The following TMEM79 variants were observed in gnomAD, a reference collection of about 807,000 sequenced individuals.
TMEM79 encodes transmembrane protein 79.
Under a neutral mutation model 31.2 loss-of-function variants are expected in TMEM79, and 30 were observed. That is an observed-to-expected ratio of 0.96 (90% CI 0.72 to 1.30). The LOEUF (loss-of-function observed/expected upper bound fraction) is 1.30, where lower values mean the gene tolerates loss of function less well. Among genes scored for constraint, TMEM79 ranks in the 50% most tolerant of loss-of-function variants. The probability of loss-of-function intolerance (pLI) is 0.00; values close to 1 mark genes in which losing one functional copy is unlikely to be tolerated. For synonymous variants in TMEM79, 213 were observed against 229.5 expected (o/e 0.93, Z 0.65); for missense variants, 509 against 528.2 (o/e 0.96, Z 0.36).
chr1:156,291,416 C>T lies in TMEM79; in HGVS notation c.1003C>T (p.Arg335Cys). The T allele has an allele frequency of 1.2e-6, 2 of 1,614,100 alleles. No homozygotes were observed. Among genetic ancestry groups the T allele is most frequent in the Non-Finnish European group, 1.7e-6 (2 of 1,180,034 alleles). The change falls in exon 4 of 4, where the codon CGC (arginine) becomes TGC (cysteine). Residue 335 changes from arginine to cysteine, a missense_variant. Arg to Cys is a radical substitution (Grantham distance 180, BLOSUM62 -3). Transcript: ENST00000405535. ...LIYWLTFAVG[R>C]SFRGFGYGLT... ...CTACTGGCTGACCTTTGCCGTGGGC[C>T]GCTCCTTCCGAGGCTTCGGCTACGG...
rs748559702 is a variant in TMEM79 at position 156,285,744 on chromosome 1, A to G, written c.518A>G (p.Lys173Arg). Residue 173 changes from lysine to arginine, a missense_variant, in exon 2 of 4, where the codon AAG (lysine) becomes AGG (arginine). Transcript: ENST00000405535. ...RVTHPDPTER[K>R]WAEAVVRPPG... Reference sequence around the variant, plus strand: ...ACCCACCCCGACCCCACTGAGCGCAAGTGGGCTGAGGCAGTGGTGAGGCCG... The same window carrying G: ...ACCCACCCCGACCCCACTGAGCGCAGGTGGGCTGAGGCAGTGGTGAGGCCG... 6.2e-7 allele frequency: 1 copy of G among 1,613,272 alleles called. No individual in the cohort carries two copies.
Position 156,285,913 on chromosome 1 carries a change from G to T in TMEM79, c.687G>T (p.Leu229=). 6.3e-7 allele frequency: 1 copy of T among 1,582,904 alleles called. No individual in the cohort carries two copies. The highest frequency in any genetic ancestry group is 8.6e-7 in the Non-Finnish European group (1 of 1,164,546). The change falls in exon 2 of 4, where the codon CTG becomes CTT. Residue 229 remains leucine, a synonymous_variant. Transcript: ENST00000405535. ...YAFLPFDVPR[L]PTMSSRLIYT... ...TCCTGCCGTTTGATGTCCCACGGCT[G>T]CCCACCATGAGTTCCCGCCTGATCT...
At chr1:156,291,315 C>T (rs980574724) in intron 3 of TMEM79, 70 bp from the exon 4 acceptor site, 2 of 1,443,834 alleles carry the variant, frequency 1.4e-6, no homozygotes, top group South Asian at 2.4e-5. Context: ...CTCCCCCCAC[C>T]GTCAGCCTAT....
chr1:156,286,067 C>T, intron 2 of TMEM79, 84 bp downstream of exon 2: 2 of 1,529,724 alleles, frequency 1.3e-6, no homozygotes, highest in East Asian at 4.5e-5. Flanking sequence ...AGGAGGATTT[C>T]CCTTCACTTG....
chr1:156,291,757 C>T lies in TMEM79; in HGVS notation c.*159C>T, dbSNP rs1054599484. 1.7e-5 allele frequency: 11 copies of T among 657,646 alleles called. No individual in the cohort carries two copies. The highest frequency in any genetic ancestry group is 2.9e-5 in the Non-Finnish European group (11 of 377,878). 40.7% of individuals were successfully genotyped at this position (657,646 alleles called of 1,614,324 possible). The stretch of plus-strand genomic sequence containing the variant: ...GGGACTCCAATCAATCGGAGTTCTC[C>T]CCTTGCCGGAGCTGCCCTTCACCTT... On this transcript the variant is annotated 3_prime_UTR_variant, in exon 4 of 4. Transcript: ENST00000405535.
At position 156,285,606 on chromosome 1, in the gene TMEM79, G is replaced by T. The variant is rs147509014; in HGVS notation, c.380G>T (p.Arg127Leu). Reference sequence around the variant, plus strand: ...AACCTGCTGCCTGAGAAAGCGGCCCGTGCCTTCGTGCCTATTGACCTACAG... The same window carrying T: ...AACCTGCTGCCTGAGAAAGCGGCCCTTGCCTTCGTGCCTATTGACCTACAG... Reference protein sequence around the residue: ...DANLLPEKAARAFVPIDLQCI... With the variant: ...DANLLPEKAALAFVPIDLQCI... Residue 127 changes from arginine to leucine, a missense_variant, in exon 2 of 4, where the codon CGT (arginine) becomes CTT (leucine). Coordinates refer to ENST00000405535, the MANE Select transcript of TMEM79 (RefSeq NM_032323.3). 1.1e-5 allele frequency: 18 copies of T among 1,614,220 alleles called. No individual in the cohort carries two copies. The highest frequency in any genetic ancestry group is 1.4e-5 in the Non-Finnish European group (17 of 1,180,048).
In TMEM79 at chr1:156,287,606, CTT is replaced by C. The variant is rs745468403; in HGVS notation, c.971+1157_971+1158del. ...CTCCTCGCAGCCTTCTTACTCTCCACTTTTTTTTTTTTTTTTTTTTTTTTTGA... is the reference window on the plus strand; with the variant it reads ...CTCCTCGCAGCCTTCTTACTCTCCACTTTTTTTTTTTTTTTTTTTTTTTGA... On this transcript the variant is annotated intron_variant, in intron 3 of 3. Transcript: ENST00000405535. Among the ~76,000 whole-genome samples the C allele has an allele frequency of 8.1e-3, 589 of 72,618 alleles. 2 individuals are homozygous for C. Among genetic ancestry groups the C allele is most frequent in the Non-Finnish European group, 0.012 (447 of 38,264 alleles). The allele number at this position is 72,618 out of a possible 152,430, so 47.6% of individuals were successfully genotyped here.
At chr1:156,285,119 T>C in intron 1 of TMEM79, 65 bp from the exon 2 acceptor site, 1 of 1,406,420 alleles carries the variant, frequency 7.1e-7, no homozygotes, top group Non-Finnish European at 9.5e-7. Flanking sequence ...GTATGAGTTC[T>C]GTCAACCTGT....
Position 156,292,376 on chromosome 1 carries a change from A to AGTGTGTGTGT in TMEM79, c.*815_*824dup, listed in dbSNP as rs9331871. 1.2e-4 allele frequency: 17 copies of AGTGTGTGTGT among 142,468 alleles called. No homozygotes were observed. Among genetic ancestry groups the AGTGTGTGTGT allele is most frequent in the South Asian group, 7.4e-4 (3 of 4,048 alleles). 8.8% of individuals were successfully genotyped at this position (142,468 alleles called of 1,614,324 possible). ...ATGGTGCGGTGGTTGATGTTAACCTAGTGTGTGTGTGTGTGTGTGTGTGTG... is the reference window on the plus strand; with the variant it reads ...ATGGTGCGGTGGTTGATGTTAACCTAGTGTGTGTGTGTGTGTGTGTGTGTGTGTGTGTGTG... On this transcript the variant is annotated 3_prime_UTR_variant, in exon 4 of 4. Coordinates refer to ENST00000405535, the MANE Select transcript of TMEM79 (RefSeq NM_032323.3).
At chr1:156,288,408 T>C (rs1663228883) in intron 3 of TMEM79, among the ~76,000 whole-genome samples, 1 of 151,582 alleles carries the variant, frequency 6.6e-6, no homozygotes, top group East Asian at 1.9e-4. Flanking sequence ...CAATCTTGGC[T>C]CACTACAACT....
chr1:156,291,515 A>AT lies in TMEM79; in HGVS notation c.1103dup (p.Met368IlefsTer48), dbSNP rs760496537. On this transcript the variant is annotated frameshift_variant, in exon 4 of 4. Coordinates refer to ENST00000405535, the MANE Select transcript of TMEM79 (RefSeq NM_032323.3). LOFTEE classifies it high-confidence loss of function. ...CATGTTCGTGGTGGAGCCGGAGCGC[A>AT]TGCTCACTGCCACCGAGAGCCGCCT... 23 of 1,609,864 alleles carry AT rather than the reference A, an allele frequency of 1.4e-5. No homozygotes were observed. The South Asian group carries it at 2.5e-4, about 18-fold the overall frequency.
At chr1:156,291,323 T>A in intron 3 of TMEM79, 62 bp from the exon 4 acceptor site, 1 of 1,497,070 alleles carries the variant, frequency 6.7e-7, no homozygotes. Flanking sequence ...ACCGTCAGCC[T>A]ATTGCCAATC....
chr1:156,285,630 A>G lies in TMEM79; in HGVS notation c.404A>G (p.Gln135Arg), dbSNP rs770461595. ...AARAFVPIDL[Q>R]CIERQPQEDL... Reference sequence around the variant, plus strand: ...CGTGCCTTCGTGCCTATTGACCTACAGTGCATTGAGCGGCAGCCCCAAGAA... The same window carrying G: ...CGTGCCTTCGTGCCTATTGACCTACGGTGCATTGAGCGGCAGCCCCAAGAA... The change falls in exon 2 of 4, where the codon CAG (glutamine) becomes CGG (arginine). Residue 135 changes from glutamine (Q) to arginine (R), a missense_variant. By Grantham distance (43) the Gln-to-Arg change is conservative. Coordinates refer to ENST00000405535, the MANE Select transcript of TMEM79 (RefSeq NM_032323.3). The G allele has an allele frequency of 1.9e-6, 3 of 1,614,066 alleles. No individual in the cohort carries two copies. Among genetic ancestry groups the G allele is most frequent in the Admixed American group, 1.7e-5 (1 of 60,028 alleles).
At chr1:156,285,060 C>T in intron 1 of TMEM79, 124 bp from the exon 2 acceptor site, 1 of 697,912 alleles carries the variant, frequency 1.4e-6, no homozygotes, top group Non-Finnish European at 2.2e-6. Flanking sequence ...CACGTTCTCC[C>T]TAAGGCTCCA....
At chr1:156,286,196 T>G in intron 2 of TMEM79, 64 bp from the exon 3 acceptor site, 2 of 1,534,334 alleles carry the variant, frequency 1.3e-6, no homozygotes. Flanking sequence ...TGCCCCCAGC[T>G]TACTGCCTCT....
rs202124234 is a variant in TMEM79 at position 156,291,499 on chromosome 1, G to T, written c.1086G>T (p.Val362=). 3.9e-5 allele frequency: 63 copies of T among 1,612,624 alleles called. No homozygotes were observed. The East Asian group carries it at 1.3e-3, about 33-fold the overall frequency. ...MLMWNLYYMF[V]VEPERMLTAT... ...TGTGGAACCTCTACTACATGTTCGT[G>T]GTGGAGCCGGAGCGCATGCTCACTG... The change falls in exon 4 of 4, where the codon GTG becomes GTT. Residue 362 remains valine (V), a synonymous_variant. Coordinates refer to ENST00000405535, the MANE Select transcript of TMEM79 (RefSeq NM_032323.3).
Position 156,285,549 on chromosome 1 carries a change from C to G in TMEM79, c.323C>G (p.Thr108Ser), listed in dbSNP as rs539556281. The G allele has an allele frequency of 6.2e-7, 1 of 1,614,214 alleles. No individual in the cohort carries two copies. The highest frequency in any genetic ancestry group is 1.1e-5 in the South Asian group (1 of 91,090). ...GAGCCCCCTGAGTCAGAACCACTTA[C>G]CAAGCTAGAGGAGCTGCCCGAAGAC... ...EPEPPESEPL[T>S]KLEELPEDDA... Residue 108 changes from threonine to serine, a missense_variant, in exon 2 of 4, where the codon ACC becomes AGC. By Grantham distance (58) the Thr-to-Ser change is moderately conservative. Transcript: ENST00000405535.
At chr1:156,283,593 T>C (rs1165426978), upstream of TMEM79, among the ~76,000 whole-genome samples, 1 of 152,250 alleles carries the variant, frequency 6.6e-6, no homozygotes, top group Non-Finnish European at 1.5e-5. Context: ...TTGTCTTGTT[T>C]TAGCTTAAAA....
intron 3 of TMEM79, 65 bp downstream of exon 3, chr1:156,286,538 T>C: frequency 1.3e-6 from 2 of 1,540,078 alleles, no homozygotes; most frequent in Non-Finnish European, 1.8e-6. Flanking sequence ...GGCATCTGAA[T>C]GTCTGGAGAG....
Sources: gnomAD v4.1 joint callset for allele counts (sites outside exome capture counted in the v4.1 genomes callset) on GRCh38, gnomAD v4.1.1 for gene constraint, MANE v1.5 for transcripts, NCBI Gene and HGNC (gene_info 2026-07-23, HGNC 2026-07-21) for gene names.